The following PRXL2C variants were observed in gnomAD, a reference collection of about 807,000 sequenced individuals.
PRXL2C encodes peroxiredoxin-like 2C.
In PRXL2C, 38 loss-of-function variants were observed where a neutral mutation model predicts 24.9. The ratio of observed to expected loss-of-function variants is 1.53; its 90% CI spans 1.18 to 2.00. The LOEUF (loss-of-function observed/expected upper bound fraction) is 2.00, where lower values mean the gene tolerates loss of function less well. PRXL2C is among the 30% of genes most tolerant of loss of function. The pLI, the probability that PRXL2C is intolerant of heterozygous loss-of-function variation, is 0.00. For missense variants in PRXL2C, 294 were observed against 290.9 expected (o/e 1.01, Z -0.08); for synonymous variants, 98 against 117.2 (o/e 0.84, Z 1.06).
At chr9:96,654,906 C>G in intron 1 of PRXL2C, 133 bp from the exon 2 acceptor site, 1 of 1,210,364 alleles carries the variant, frequency 8.3e-7, no homozygotes, top group South Asian at 1.7e-5. Flanking sequence ...GCTCGGGCGC[C>G]CGGCGCGTGG....
Position 96,654,692 on chromosome 9 carries a change from C to A in PRXL2C, c.261+13G>T. The stretch of plus-strand genomic sequence containing the variant: ...AGAAGCGGGCACTGGGCCGCCCACG[C>A]TGGGAAACTCACTTGTAAGAAACTC... On this transcript the variant is annotated intron_variant, in intron 2 of 5. Coordinates refer to ENST00000375234, the MANE Select transcript of PRXL2C (RefSeq NM_153698.2). 1 of 1,556,422 alleles carries A rather than the reference C, an allele frequency of 6.4e-7. No homozygotes were observed.
intron 5 of PRXL2C, among the ~76,000 whole-genome samples, chr9:96,645,103 G>GT (rs1317419141): frequency 4.0e-5 from 6 of 151,338 alleles, no homozygotes; most frequent in Admixed American, 3.3e-4. Context: ...TAGAGACGGG[G>GT]TTTCACCGTG....
intron 1 of PRXL2C, 104 bp downstream of exon 1, chr9:96,654,986 G>A: frequency 7.5e-7 from 1 of 1,327,126 alleles, no homozygotes. Flanking sequence ...TGGGCAGGCT[G>A]CCTTCCCGTT....
chr9:96,654,284 C>G (rs1848315899), intron 2 of PRXL2C, among the ~76,000 whole-genome samples: 1 of 152,222 alleles, frequency 6.6e-6, no homozygotes, highest in South Asian at 2.1e-4. Context: ...AGAAAAACAA[C>G]TATGTGGTTT....
chr9:96,640,093 CA>C lies in PRXL2C; in HGVS notation c.*1665del, dbSNP rs59028960. On this transcript the variant is annotated 3_prime_UTR_variant, in exon 6 of 6. Transcript: ENST00000375234. ...GTGCAACAAGAGTGAAACTCCGTCT[CA>C]AAAAAAAAAAAAAAATTCTAGAAAA... 0.012 allele frequency: 1,308 copies of C among 111,238 alleles called. 2 individuals are homozygous for C. Among genetic ancestry groups the C allele is most frequent in the Non-Finnish European group, 0.016 (817 of 50,130 alleles). The allele number at this position is 111,238 out of a possible 1,614,324, so 6.9% of individuals were successfully genotyped here.
intron 5 of PRXL2C, among the ~76,000 whole-genome samples, chr9:96,644,701 A>T (rs1374847206): frequency 6.6e-6 from 1 of 151,076 alleles, no homozygotes. Context: ...GCTGGTCTGG[A>T]ACTCCTGGCC....
chr9:96,650,842 TC>T (rs1427199746), intron 4 of PRXL2C, among the ~76,000 whole-genome samples: 1 of 152,154 alleles, frequency 6.6e-6, no homozygotes, highest in African/African-American at 2.4e-5. Context: ...TTTATGAAAA[TC>T]CTTTTTGTTT....
chr9:96,646,193 G>A (rs1848200052), intron 4 of PRXL2C, among the ~76,000 whole-genome samples, 169 bp from the exon 5 acceptor site: 1 of 152,174 alleles, frequency 6.6e-6, no homozygotes, highest in Non-Finnish European at 1.5e-5. Context: ...GATATACGGT[G>A]TTTTGCAACA....
rs1848195290 is a variant in PRXL2C at position 96,645,916 on chromosome 9, C to T, written c.530G>A (p.Gly177Asp). The T allele has an allele frequency of 1.9e-6, 3 of 1,612,698 alleles. No individual in the cohort carries two copies. The highest frequency in any genetic ancestry group is 2.5e-6 in the Non-Finnish European group (3 of 1,179,722). ...ACCTGGACCTAAAATGAGGGTTCCA[C>T]CTTGCTGAGCTGGGTCTCCTTGAAA... ...FDFQGDPAQQ[G>D]GTLILGPGNN... is the part of the protein sequence containing the mutation. Residue 177 changes from glycine (G) to aspartate (D), a missense_variant, in exon 5 of 6, where the codon GGT (glycine) becomes GAT (aspartate). Physicochemically the swap from Gly to Asp is moderately conservative, Grantham distance 94. Transcript: ENST00000375234.
chr9:96,646,578 G>A (rs546084704), intron 4 of PRXL2C, among the ~76,000 whole-genome samples: 1 of 152,240 alleles, frequency 6.6e-6, no homozygotes, highest in African/African-American at 2.4e-5. Flanking sequence ...AGTCTTAGTT[G>A]CAGTTAGGCA....
At chr9:96,651,538 G>A (rs1235166958) in intron 3 of PRXL2C, 43 bp from the exon 4 acceptor site, 5 of 1,574,054 alleles carry the variant, frequency 3.2e-6, no homozygotes, top group Non-Finnish European at 4.3e-6. Flanking sequence ...GAACAAATGA[G>A]AGAAAAGTAA....
intron 5 of PRXL2C, among the ~76,000 whole-genome samples, chr9:96,644,497 T>C (rs1848163720): frequency 6.6e-6 from 1 of 152,124 alleles, no homozygotes. Flanking sequence ...TTCTTTTTTA[T>C]TTTTTGAGAG....
At chr9:96,653,371 C>T (rs976977491) in intron 2 of PRXL2C, among the ~76,000 whole-genome samples, 3 of 151,932 alleles carry the variant, frequency 2.0e-5, no homozygotes, top group African/African-American at 4.8e-5. Flanking sequence ...AGAAAAACAC[C>T]GCATGATCTC....
intron 5 of PRXL2C, among the ~76,000 whole-genome samples, chr9:96,645,284 T>A (rs1848181577): frequency 6.6e-6 from 1 of 151,952 alleles, no homozygotes; most frequent in African/African-American, 2.4e-5. Flanking sequence ...TGAACATTCC[T>A]AAATAGCGGA....
At chr9:96,653,570 A>G (rs1848305231) in intron 2 of PRXL2C, among the ~76,000 whole-genome samples, 1 of 152,230 alleles carries the variant, frequency 6.6e-6, no homozygotes, top group Non-Finnish European at 1.5e-5. Flanking sequence ...TTGCTAAAAG[A>G]CTAGTTTTTA....
At chr9:96,651,050 G>T (rs12350264) in intron 4 of PRXL2C, among the ~76,000 whole-genome samples, 13,510 of 152,152 alleles carry the variant, frequency 0.089, 1,989 homozygotes, top group African/African-American at 0.31. Flanking sequence ...CAGCACTTTG[G>T]GAGGCCGAGA....
chr9:96,651,636 C>A, intron 3 of PRXL2C, 23 bp downstream of exon 3: 1 of 1,591,964 alleles, frequency 6.3e-7, no homozygotes, highest in Admixed American at 1.7e-5. Flanking sequence ...ATTCATTAGT[C>A]TCCCAATGTA....
In PRXL2C at chr9:96,655,158, C is replaced by T; in HGVS notation, c.124G>A (p.Ala42Thr). The change falls in exon 1 of 6, where the codon GCC becomes ACC. Residue 42 changes from alanine to threonine, a missense_variant. Physicochemically the swap from Ala to Thr is moderately conservative, Grantham distance 58. Transcript: ENST00000375234. Reference sequence around the variant, plus strand: ...CCGAACGGTACCCGCTGCCCGCGGGCGTCCAGCACCGGCAGCTCGGCCACG... The same window carrying T: ...CCGAACGGTACCCGCTGCCCGCGGGTGTCCAGCACCGGCAGCTCGGCCACG... ...AAVAELPVLD[A>T]RGQRVPFGAL... is the part of the protein sequence containing the mutation. 7.9e-7 allele frequency: 1 copy of T among 1,260,246 alleles called. No homozygotes were observed. The highest frequency in any genetic ancestry group is 3.3e-5 in the East Asian group (1 of 30,028). The allele number at this position is 1,260,246 out of a possible 1,614,324, so 78.1% of individuals were successfully genotyped here.
intron 5 of PRXL2C, among the ~76,000 whole-genome samples, chr9:96,642,247 A>G (rs1406322831): frequency 2.0e-5 from 3 of 152,284 alleles, no homozygotes; most frequent in Middle Eastern, 3.4e-3. Flanking sequence ...TGTTTCTTAA[A>G]TCTAATAATA....
Sources: allele counts gnomAD v4.1 joint callset (sites outside exome capture counted in the v4.1 genomes callset), GRCh38; gene constraint gnomAD v4.1.1; transcripts MANE v1.5; gene names NCBI Gene and HGNC (gene_info 2026-07-23, HGNC 2026-07-21).